COL19A1: variants seen among roughly 807,000 people sequenced by gnomAD.
The protein encoded by COL19A1 is collagen type XIX alpha 1 chain, also known as collagen alpha-1(XIX) chain.
COL19A1 carries 159 observed loss-of-function variants against 190.2 expected under a neutral mutation model. That is an observed-to-expected ratio of 0.84 (90% CI 0.73 to 0.95). The LOEUF is 0.95. Among genes scored for constraint, COL19A1 ranks in the 40% least tolerant of loss-of-function variants. The pLI, the probability that COL19A1 is intolerant of heterozygous loss-of-function variation, is 0.00. For synonymous variants in COL19A1, 509 were observed against 458.9 expected, an observed-to-expected ratio of 1.11 and a Z score of -1.39; for missense variants, 1,418 against 1,431.9, an observed-to-expected ratio of 0.99 and a Z score of 0.16.
intron 34 of COL19A1, 45 bp downstream of exon 34, chr6:70,156,768 T>C (rs1237702481): frequency 6.8e-7 from 1 of 1,481,216 alleles, no homozygotes; most frequent in African/African-American, 1.4e-5. Context: ...ATTGATTCTC[T>C]TTACGTGGCT....
chr6:69,871,505 G>A (rs1767818162), intron 1 of COL19A1, among the ~76,000 whole-genome samples: 1 of 152,136 alleles, frequency 6.6e-6, no homozygotes, highest in Non-Finnish European at 1.5e-5. Flanking sequence ...CTACTTTTTT[G>A]AGAGTTGAGA....
intron 11 of COL19A1, among the ~76,000 whole-genome samples, chr6:69,967,848 A>T (rs1007647317): frequency 1.3e-5 from 2 of 152,186 alleles, no homozygotes; most frequent in African/African-American, 4.8e-5. Flanking sequence ...ATTGAACTCT[A>T]TATTGTTATA....
rs1238715623 is a variant in COL19A1 at position 70,208,470 on chromosome 6, T to C, written c.*1196T>C. ...AGAGTTCACACCCACTCTAAAACCATGTCCTCTGAAAAGAAACAAAAATAC... is the reference window on the plus strand; with the variant it reads ...AGAGTTCACACCCACTCTAAAACCACGTCCTCTGAAAAGAAACAAAAATAC... On this transcript the variant is annotated 3_prime_UTR_variant, in exon 51 of 51. Transcript: ENST00000620364. 1 of 152,224 alleles carries C rather than the reference T, an allele frequency of 6.6e-6. No homozygotes were observed. The highest frequency in any genetic ancestry group is 2.4e-5 in the African/African-American group (1 of 41,440). 9.4% of individuals were successfully genotyped at this position (152,224 alleles called of 1,614,324 possible).
chr6:70,031,454 C>T lies in COL19A1; in HGVS notation c.1081-2791C>T, dbSNP rs150410188. ...TTTTATCCACTTCTTTTCATCCTCC[C>T]TTGCCCCCTCACTCACCCTTTCCAG... On this transcript the variant is annotated intron_variant, in intron 12 of 50. Transcript: ENST00000620364. 7.6e-3 allele frequency among the ~76,000 whole-genome samples: 1,157 copies of T among 152,140 alleles called. 10 individuals carry two copies. The highest frequency in any genetic ancestry group is 0.037 in the Middle Eastern group (11 of 294).
chr6:70,094,545 TA>T (rs1672605338), intron 15 of COL19A1, among the ~76,000 whole-genome samples: 1 of 152,196 alleles, frequency 6.6e-6, no homozygotes, highest in Non-Finnish European at 1.5e-5. Context: ...ATTACTGCTG[TA>T]ACCTCATCTT....
chr6:70,060,151 C>T (rs950073630), intron 14 of COL19A1, among the ~76,000 whole-genome samples: 3 of 152,128 alleles, frequency 2.0e-5, no homozygotes, highest in African/African-American at 7.2e-5. Flanking sequence ...ATGATCACTT[C>T]AGACTGAGGA....
intron 11 of COL19A1, among the ~76,000 whole-genome samples, chr6:70,001,586 T>A (rs557240240): frequency 6.6e-6 from 1 of 152,118 alleles, no homozygotes; most frequent in African/African-American, 2.4e-5. Context: ...GTCCTTTATA[T>A]CCCGTTAGCT....
At chr6:70,123,617 A>G (rs1173887394) in intron 17 of COL19A1, among the ~76,000 whole-genome samples, 1 of 129,126 alleles carries the variant, frequency 7.7e-6, no homozygotes, top group Admixed American at 7.7e-5. Flanking sequence ...ACCATGGAAT[A>G]CTATGCAGCC....
In COL19A1 at chr6:69,930,614, C is replaced by T. The variant is rs543241712; in HGVS notation, c.666+914C>T. On this transcript the variant is annotated intron_variant, in intron 6 of 50. Coordinates refer to ENST00000620364, the MANE Select transcript of COL19A1 (RefSeq NM_001858.6). Reference sequence around the variant, plus strand: ...TGGGCAGATGACGAGGTCAGGAGATCGAGACCATCCTGGCTAACATGGTGA... The same window carrying T: ...TGGGCAGATGACGAGGTCAGGAGATTGAGACCATCCTGGCTAACATGGTGA... 8.6e-5 allele frequency among the ~76,000 whole-genome samples: 13 copies of T among 151,924 alleles called. No individual in the cohort carries two copies. The East Asian group carries it at 1.2e-3, about 14-fold the overall frequency.
chr6:70,049,418 G>A (rs1263995821), intron 14 of COL19A1, among the ~76,000 whole-genome samples: 2 of 151,866 alleles, frequency 1.3e-5, no homozygotes, highest in Non-Finnish European at 2.9e-5. Flanking sequence ...AAATACTGGC[G>A]AGTTGATGCT....
At chr6:70,195,456 C>A (rs540622128) in intron 48 of COL19A1, among the ~76,000 whole-genome samples, 1 of 152,276 alleles carries the variant, frequency 6.6e-6, no homozygotes, top group East Asian at 1.9e-4. Flanking sequence ...TGGTCAGATT[C>A]TCCAGTGGAG....
intron 4 of COL19A1, among the ~76,000 whole-genome samples, chr6:69,927,305 G>T (rs1252933212): frequency 6.6e-6 from 1 of 152,056 alleles, no homozygotes; most frequent in Non-Finnish European, 1.5e-5. Flanking sequence ...AGCAATATTA[G>T]AAATCTTCAT....
chr6:70,056,033 T>C (rs1323703318), intron 14 of COL19A1, among the ~76,000 whole-genome samples: 2 of 152,178 alleles, frequency 1.3e-5, no homozygotes, highest in African/African-American at 2.4e-5. Context: ...GGGAGCTTTC[T>C]AAGCCATCTG....
intron 37 of COL19A1, among the ~76,000 whole-genome samples, chr6:70,167,575 A>G (rs1765237380): frequency 6.6e-6 from 1 of 152,190 alleles, no homozygotes; most frequent in Non-Finnish European, 1.5e-5. Context: ...TGGTATGAAA[A>G]GACTGTGGAA....
At chr6:70,193,320 G>A (rs762772358) in intron 48 of COL19A1, among the ~76,000 whole-genome samples, 135 of 152,318 alleles carry the variant, frequency 8.9e-4, no homozygotes, top group Middle Eastern at 3.4e-3. Context: ...CAGGTCAGGG[G>A]AGTTGGGCCA....
chr6:70,187,423 TGGGGAGAG>T lies in COL19A1; in HGVS notation c.2857-651_2857-644del, dbSNP rs1766599267. 3.9e-5 allele frequency among the ~76,000 whole-genome samples: 5 copies of T among 128,724 alleles called. No individual in the cohort carries two copies. The East Asian group carries it at 1.1e-3, about 29-fold the overall frequency. The allele number at this position is 128,724 out of a possible 152,430, so 84.4% of individuals were successfully genotyped here. A position where few individuals can be genotyped will look rare whatever the true frequency, so the allele number is the denominator to read the frequency against. Reference sequence around the variant, plus strand: ...CAAACAAACAGGGGAAAGCCAGGGGTGGGGAGAGCACATGATTTAGGAGAGATTTTGAA... The same window carrying T: ...CAAACAAACAGGGGAAAGCCAGGGGTCACATGATTTAGGAGAGATTTTGAA... On this transcript the variant is annotated intron_variant, in intron 46 of 50. Transcript: ENST00000620364.
At chr6:69,955,459 T>G (rs1396536193) in intron 9 of COL19A1, among the ~76,000 whole-genome samples, 3 of 151,672 alleles carry the variant, frequency 2.0e-5, no homozygotes, top group Non-Finnish European at 4.4e-5. Flanking sequence ...TGTAAACAAT[T>G]TAGTTTTAAA....
At chr6:70,116,850 T>C (rs565153823) in intron 16 of COL19A1, among the ~76,000 whole-genome samples, 1 of 152,192 alleles carries the variant, frequency 6.6e-6, no homozygotes, top group Non-Finnish European at 1.5e-5. Context: ...GTTTTTGGTA[T>C]TTCAAAGATT....
In COL19A1 at chr6:70,210,211, T is replaced by G. The variant is rs1768104787; in HGVS notation, c.*2937T>G. On this transcript the variant is annotated 3_prime_UTR_variant, in exon 51 of 51. Coordinates refer to ENST00000620364, the MANE Select transcript of COL19A1 (RefSeq NM_001858.6). ...ATATACAAGTATGTTTGAGTTCCAA[T>G]CTTACATTTTATACCAAGTTCAAAA... Among the ~76,000 whole-genome samples, 1 of 152,174 alleles carries G rather than the reference T, an allele frequency of 6.6e-6. No homozygotes were observed. Among genetic ancestry groups the G allele is most frequent in the African/African-American group, 2.4e-5 (1 of 41,460 alleles).
Sources: gnomAD v4.1 joint callset for allele counts (sites outside exome capture counted in the v4.1 genomes callset) on GRCh38, gnomAD v4.1.1 for gene constraint, MANE v1.5 for transcripts, NCBI Gene and HGNC (gene_info 2026-07-23, HGNC 2026-07-21) for gene names.